The following KPNA4 variants were observed in gnomAD, a reference collection of about 807,000 sequenced individuals.
KPNA4 encodes importin subunit alpha-3.
A neutral mutation model predicts 71.3 loss-of-function variants in KPNA4; 13 were observed. The ratio of observed to expected loss-of-function variants is 0.18; its 90% CI spans 0.12 to 0.29. The LOEUF is 0.29. Among genes scored for constraint, KPNA4 ranks in the 10% least tolerant of loss-of-function variants. The pLI, the probability that KPNA4 is intolerant of heterozygous loss-of-function variation, is 1.00. For missense variants in KPNA4, 334 were observed against 603.2 expected, an observed-to-expected ratio of 0.55 and a Z score of 4.67; for synonymous variants, 189 against 195.2, an observed-to-expected ratio of 0.97 and a Z score of 0.26.
At chr3:160,519,633 A>C (rs1376326282) in intron 11 of KPNA4, among the ~76,000 whole-genome samples, 1 of 151,074 alleles carries the variant, frequency 6.6e-6, no homozygotes, top group Non-Finnish European at 1.5e-5. Context: ...TCTCTACTAA[A>C]AAATACAAAA....
chr3:160,515,727 AC>A (rs1721202112), intron 11 of KPNA4, 147 bp from the exon 12 acceptor site: 1 of 802,680 alleles, frequency 1.2e-6, no homozygotes, highest in Non-Finnish European at 1.9e-6. Flanking sequence ...TGATCCTCCC[AC>A]CCCAGCCTCC....
intron 1 of KPNA4, among the ~76,000 whole-genome samples, chr3:160,560,731 A>G (rs1722226960): frequency 6.6e-6 from 1 of 152,076 alleles, no homozygotes; most frequent in South Asian, 2.1e-4. Flanking sequence ...AAAACTATCA[A>G]TGAAGCAATT....
At chr3:160,526,206 A>T in intron 8 of KPNA4, 99 bp from the exon 9 acceptor site, 1 of 850,770 alleles carries the variant, frequency 1.2e-6, no homozygotes, top group Non-Finnish European at 1.7e-6. Flanking sequence ...CATGTATTTT[A>T]TCCAGATACA....
chr3:160,533,581 T>C (rs1486889192), intron 5 of KPNA4, among the ~76,000 whole-genome samples: 1 of 152,112 alleles, frequency 6.6e-6, no homozygotes, highest in Non-Finnish European at 1.5e-5. Context: ...AGAAGAGAAA[T>C]GTCTTTTATT....
intron 15 of KPNA4, among the ~76,000 whole-genome samples, chr3:160,507,256 T>C (rs545706632): frequency 4.6e-5 from 7 of 152,290 alleles, no homozygotes; most frequent in African/African-American, 1.7e-4. Context: ...CTCAACACTC[T>C]GGGAGGCCAA....
chr3:160,541,649 GCACACACACACACA>G (rs60806533), intron 1 of KPNA4, among the ~76,000 whole-genome samples: 1 of 146,648 alleles, frequency 6.8e-6, no homozygotes, highest in Non-Finnish European at 1.5e-5. Flanking sequence ...TTATATACGC[GCACACACACACACA>G]CACACACACA....
chr3:160,507,379 A>C (rs1444072165), intron 15 of KPNA4, among the ~76,000 whole-genome samples: 2 of 151,996 alleles, frequency 1.3e-5, no homozygotes, highest in East Asian at 3.9e-4. Flanking sequence ...AGGCGCCTGT[A>C]ATCCCAGCTA....
rs1391289464 is a variant in KPNA4, at chr3:160,565,307, C to G, written c.-25G>C. ...TGGCCGGGCCGGTGACTCCTTCCCCCGCCCGGGCCCCGCGGGATCCGCCCC... is the reference window on the plus strand; with the variant it reads ...TGGCCGGGCCGGTGACTCCTTCCCCGGCCCGGGCCCCGCGGGATCCGCCCC... On this transcript the variant is annotated 5_prime_UTR_variant, in exon 1 of 17. Coordinates refer to ENST00000334256, the MANE Select transcript of KPNA4 (RefSeq NM_002268.5). 5 of 1,567,370 alleles carry G rather than the reference C, an allele frequency of 3.2e-6. No homozygotes were observed. The highest frequency in any genetic ancestry group is 1.2e-5 in the South Asian group (1 of 86,100).
intron 8 of KPNA4, among the ~76,000 whole-genome samples, chr3:160,527,361 G>T (rs1355010752): frequency 2.0e-5 from 3 of 152,110 alleles, no homozygotes; most frequent in Admixed American, 2.0e-4. Flanking sequence ...TTATCAGAGA[G>T]AACCTGAAAG....
chr3:160,548,219 G>A (rs1721964069), intron 1 of KPNA4, among the ~76,000 whole-genome samples: 1 of 151,702 alleles, frequency 6.6e-6, no homozygotes, highest in Non-Finnish European at 1.5e-5. Context: ...TTTTTTTGTT[G>A]TTGTTGGTGG....
rs1452804641 is a variant in KPNA4 at position 160,500,062 on chromosome 3, A to T, written c.*2042T>A. ...GACAGAACCAAAGAAATTTCTTATT[A>T]TGCTGGTTCTAGGTAAAAAGACAGG... On this transcript the variant is annotated 3_prime_UTR_variant, in exon 17 of 17. Coordinates refer to ENST00000334256, the MANE Select transcript of KPNA4 (RefSeq NM_002268.5). 1 of 151,600 alleles carries T rather than the reference A, an allele frequency of 6.6e-6. No homozygotes were observed. Among genetic ancestry groups the T allele is most frequent in the African/African-American group, 2.4e-5 (1 of 41,344 alleles). 9.4% of individuals were successfully genotyped at this position (151,600 alleles called of 1,614,324 possible). A position where few individuals can be genotyped will look rare whatever the true frequency, so the allele number is the denominator to read the frequency against.
At chr3:160,565,173 G>A (rs1056828100) in intron 1 of KPNA4, 41 bp downstream of exon 1, 3 of 1,533,928 alleles carry the variant, frequency 2.0e-6, no homozygotes, top group Non-Finnish European at 2.7e-6. Context: ...CCGGCCCCAG[G>A]CCCACAGCCC....
chr3:160,558,880 T>A (rs1204563115), intron 1 of KPNA4, among the ~76,000 whole-genome samples: 1 of 152,192 alleles, frequency 6.6e-6, no homozygotes, highest in Non-Finnish European at 1.5e-5. Context: ...CATCTAAAAT[T>A]TGTTTAAAAG....
At chr3:160,507,327 C>A (rs1391290128) in intron 15 of KPNA4, among the ~76,000 whole-genome samples, 2 of 151,954 alleles carry the variant, frequency 1.3e-5, no homozygotes, top group East Asian at 3.9e-4. Context: ...GATGAAACCC[C>A]GTCTCTACTA....
chr3:160,506,206 T>C (rs1577044875), intron 15 of KPNA4, among the ~76,000 whole-genome samples: 2 of 152,022 alleles, frequency 1.3e-5, no homozygotes, highest in East Asian at 3.8e-4. Flanking sequence ...TCTCACTCTG[T>C]TGCCCAGGCT....
chr3:160,502,987 T>C (rs972573676), intron 16 of KPNA4, among the ~76,000 whole-genome samples: 3 of 152,112 alleles, frequency 2.0e-5, no homozygotes, highest in African/African-American at 4.8e-5. Flanking sequence ...GGCATGCGCC[T>C]ATAATCCCAG....
At chr3:160,528,439 C>T (rs138150186) in intron 7 of KPNA4, among the ~76,000 whole-genome samples, 1 of 152,176 alleles carries the variant, frequency 6.6e-6, no homozygotes, top group East Asian at 1.9e-4. Context: ...AATCTTGGCT[C>T]ACTGCAACCT....
Position 160,526,116 on chromosome 3 carries a change from A to G in KPNA4, c.557-9T>C. 1 of 1,503,666 alleles carries G rather than the reference A, an allele frequency of 6.7e-7. No homozygotes were observed. The highest frequency in any genetic ancestry group is 8.8e-7 in the Non-Finnish European group (1 of 1,132,324). 93.1% of individuals were successfully genotyped at this position (1,503,666 alleles called of 1,614,324 possible). A position where few individuals can be genotyped will look rare whatever the true frequency, so the allele number is the denominator to read the frequency against. ...ACACTGGGGCCCATCACCTGTAGAA[A>G]AAAAGGATTAATTTACTCAATAAAA... On this transcript the variant is annotated splice_polypyrimidine_tract_variant and intron_variant, in intron 8 of 16. Transcript: ENST00000334256.
rs1301332234 is a variant in KPNA4, at chr3:160,565,199, C to G, written c.69+15G>C. ...CCCACAGCCCCCACCCCTCCGGCGT[C>G]GTCCCCGAGTTTACCTCCAAGTCGC... is the stretch of plus-strand genomic sequence containing the variant. On this transcript the variant is annotated intron_variant, in intron 1 of 16. Transcript: ENST00000334256. 1 of 1,600,464 alleles carries G rather than the reference C, an allele frequency of 6.2e-7. No homozygotes were observed. The highest frequency in any genetic ancestry group is 2.3e-5 in the East Asian group (1 of 44,126).
Sources: allele counts gnomAD v4.1 joint callset (sites outside exome capture counted in the v4.1 genomes callset), GRCh38; gene constraint gnomAD v4.1.1; transcripts MANE v1.5; gene names NCBI Gene and HGNC (gene_info 2026-07-23, HGNC 2026-07-21).